The following GRIN2B variants were observed in gnomAD, a reference collection of about 807,000 sequenced individuals.
GRIN2B encodes glutamate receptor ionotropic, NMDA 2B.
A neutral mutation model predicts 114.5 loss-of-function variants in GRIN2B; 5 were observed. The ratio of observed to expected loss-of-function variants is 0.04; its 90% CI spans 0.02 to 0.09. The LOEUF (loss-of-function observed/expected upper bound fraction) is 0.09, where lower values mean the gene tolerates loss of function less well. Ranked by LOEUF, GRIN2B falls within the 10% of genes least tolerant of loss-of-function variation. GRIN2B has a pLI of 1.00. For synonymous variants in GRIN2B, 787 were observed against 745.1 expected (o/e 1.06, Z -0.92); for missense variants, 1,108 against 1,943.5 (o/e 0.57, Z 8.08).
chr12:13,781,633 T>A (rs949035454), intron 3 of GRIN2B, among the ~76,000 whole-genome samples: 1 of 152,198 alleles, frequency 6.6e-6, no homozygotes, highest in Non-Finnish European at 1.5e-5. Context: ...AGATGTATAA[T>A]GCACCCAGAG....
intron 2 of GRIN2B, 106 bp from the exon 3 acceptor site, chr12:13,866,332 G>T: frequency 1.1e-6 from 1 of 936,606 alleles, no homozygotes; most frequent in Non-Finnish European, 1.7e-6. Context: ...CTTTCATTGA[G>T]CACCAAACCC....
intron 4 of GRIN2B, among the ~76,000 whole-genome samples, chr12:13,728,422 C>T (rs1863029202): frequency 6.6e-6 from 1 of 152,080 alleles, no homozygotes; most frequent in Non-Finnish European, 1.5e-5. Context: ...CCCACAACTC[C>T]CTACACATCA....
chr12:13,829,204 T>A (rs1389854164), intron 3 of GRIN2B, among the ~76,000 whole-genome samples: 1 of 152,216 alleles, frequency 6.6e-6, no homozygotes, highest in Non-Finnish European at 1.5e-5. Context: ...CATTAAAAGA[T>A]CCCATTTTAT....
chr12:13,687,953 C>A (rs1475542181), intron 4 of GRIN2B, among the ~76,000 whole-genome samples: 1 of 152,172 alleles, frequency 6.6e-6, no homozygotes, highest in Non-Finnish European at 1.5e-5. Flanking sequence ...GCTCTGGCTG[C>A]TCAATTTTTT....
intron 3 of GRIN2B, among the ~76,000 whole-genome samples, chr12:13,791,395 T>C (rs1228917179): frequency 1.3e-5 from 2 of 148,782 alleles, no homozygotes; most frequent in East Asian, 4.0e-4. Flanking sequence ...GAGCTTGCAG[T>C]GAGCCGAGAT....
At chr12:13,752,023 G>C (rs922640347) in intron 4 of GRIN2B, among the ~76,000 whole-genome samples, 1 of 152,112 alleles carries the variant, frequency 6.6e-6, no homozygotes, top group Non-Finnish European at 1.5e-5. Context: ...GTTGATGGTG[G>C]AAGAATATCA....
chr12:13,595,533 C>T (rs992991358), intron 10 of GRIN2B, among the ~76,000 whole-genome samples: 4 of 152,166 alleles, frequency 2.6e-5, no homozygotes, highest in African/African-American at 9.7e-5. Flanking sequence ...TATCAGGGGC[C>T]AAGTTGCACC....
chr12:13,627,363 CT>C (rs1464050505), intron 5 of GRIN2B, among the ~76,000 whole-genome samples: 1 of 152,114 alleles, frequency 6.6e-6, no homozygotes, highest in African/African-American at 2.4e-5. Flanking sequence ...TCATAATGTA[CT>C]GTGTATTTCA....
At chr12:13,655,602 G>A (rs759491702) in intron 5 of GRIN2B, among the ~76,000 whole-genome samples, 10 of 152,176 alleles carry the variant, frequency 6.6e-5, no homozygotes, top group Non-Finnish European at 1.2e-4. Context: ...ATGGTCCAAC[G>A]CCTGGCTCTT....
chr12:13,808,526 T>C (rs220585), intron 3 of GRIN2B, among the ~76,000 whole-genome samples: 64,516 of 150,002 alleles, frequency 0.43, 14,161 homozygotes, highest in East Asian at 0.58. Context: ...ACTTCACTCA[T>C]AGGTGGGAAT....
intron 3 of GRIN2B, among the ~76,000 whole-genome samples, chr12:13,758,685 AC>A (rs1428733435): frequency 6.6e-6 from 1 of 152,128 alleles, no homozygotes; most frequent in African/African-American, 2.4e-5. Context: ...TATCCTTAAG[AC>A]CCAATTCAAA....
At chr12:13,776,656 T>C (rs780150242) in intron 3 of GRIN2B, among the ~76,000 whole-genome samples, 1 of 152,150 alleles carries the variant, frequency 6.6e-6, no homozygotes, top group Non-Finnish European at 1.5e-5. Flanking sequence ...AGATTAATAC[T>C]AAAGCAAGTG....
At chr12:13,748,045 A>G (rs1257321782) in intron 4 of GRIN2B, among the ~76,000 whole-genome samples, 1 of 152,106 alleles carries the variant, frequency 6.6e-6, no homozygotes, top group Non-Finnish European at 1.5e-5. Context: ...ACTTTTTTTC[A>G]CATCAGTTAT....
In GRIN2B at chr12:13,561,795, T is replaced by G. The variant is rs1805477; in HGVS notation, c.*988A>C. The G allele has an allele frequency of 1.3e-5, 2 of 152,594 alleles. No individual in the cohort carries two copies. Among genetic ancestry groups the G allele is most frequent in the Non-Finnish European group, 2.9e-5 (2 of 68,058 alleles). The allele number at this position is 152,594 out of a possible 1,614,324, so 9.5% of individuals were successfully genotyped here. On this transcript the variant is annotated 3_prime_UTR_variant, in exon 14 of 14. Coordinates refer to ENST00000609686, the MANE Select transcript of GRIN2B (RefSeq NM_000834.5). Reference sequence around the variant, plus strand: ...ACTGAGGACTTGTTTATGTACCTTGTTCTTGCAGGATTGCTCACCGCCTTT... The same window carrying G: ...ACTGAGGACTTGTTTATGTACCTTGGTCTTGCAGGATTGCTCACCGCCTTT...
chr12:13,806,920 C>G (rs1214670611), intron 3 of GRIN2B, among the ~76,000 whole-genome samples: 1 of 151,870 alleles, frequency 6.6e-6, no homozygotes, highest in African/African-American at 2.4e-5. Flanking sequence ...GTTAAAAAAT[C>G]CATTTAAATT....
chr12:13,711,100 CA>C (rs1349919977), intron 4 of GRIN2B, among the ~76,000 whole-genome samples: 2 of 152,104 alleles, frequency 1.3e-5, no homozygotes, highest in African/African-American at 4.8e-5. Flanking sequence ...TGATCTTTGA[CA>C]AACCTGACAA....
intron 10 of GRIN2B, among the ~76,000 whole-genome samples, chr12:13,593,073 G>A (rs951454906): frequency 8.5e-5 from 13 of 152,128 alleles, no homozygotes; most frequent in Admixed American, 8.5e-4. Flanking sequence ...GATGCTGTAA[G>A]GATAATGTGG....
At chr12:13,609,155 A>G (rs1165542608) in intron 9 of GRIN2B, among the ~76,000 whole-genome samples, 1 of 152,190 alleles carries the variant, frequency 6.6e-6, no homozygotes, top group African/African-American at 2.4e-5. Flanking sequence ...AGATTACATC[A>G]AAACTGAGTA....
chr12:13,572,016 G>T, intron 10 of GRIN2B, 52 bp from the exon 11 acceptor site: 1 of 1,416,374 alleles, frequency 7.1e-7, no homozygotes. Flanking sequence ...GGGAGAGAGA[G>T]AGAGAAAAGT....
Sources: gnomAD v4.1 joint callset for allele counts (sites outside exome capture counted in the v4.1 genomes callset) on GRCh38, gnomAD v4.1.1 for gene constraint, MANE v1.5 for transcripts, NCBI Gene and HGNC (gene_info 2026-07-23, HGNC 2026-07-21) for gene names.